RTL1: variants seen among roughly 807,000 people sequenced by gnomAD.
RTL1 encodes retrotransposon Gag like 1, also known as retrotransposon-like protein 1.
For synonymous variants in RTL1, 727 were observed against 748.4 expected (o/e 0.97, Z 0.47); for missense variants, 1,681 against 1,767.5 (o/e 0.95, Z 0.88).
chr14:100,901,082 G>C (rs1017172739), intron 2 of RTL1, among the ~76,000 whole-genome samples: 1 of 152,204 alleles, frequency 6.6e-6, no homozygotes, highest in African/African-American at 2.4e-5. Flanking sequence ...CGGCGGGTCG[G>C]AGCAGCTGTG....
chr14:100,897,626 G>C, intron 2 of RTL1: 1 of 155,182 alleles, frequency 6.4e-6, no homozygotes, highest in East Asian at 1.9e-4. Context: ...AGTCTGCTTA[G>C]AGATAATAAA....
Position 100,880,652 on chromosome 14 carries a change from G to C in RTL1, c.*60C>G, listed in dbSNP as rs1035479001. 6.5e-7 allele frequency: 1 copy of C among 1,542,808 alleles called. No homozygotes were observed. Among genetic ancestry groups the C allele is most frequent in the Non-Finnish European group, 8.7e-7 (1 of 1,143,364 alleles). On this transcript the variant is annotated 3_prime_UTR_variant, in exon 4 of 4. Coordinates refer to ENST00000649591, the MANE Select transcript of RTL1 (RefSeq NM_001134888.3). ...CTGAGGCGCGGGGAGGCCAGGGGAC[G>C]TCGGGAGGTGTTGGGGTGAGAAATA...
In RTL1 at chr14:100,880,043, T is replaced by A. The variant is rs1299530226; in HGVS notation, c.*669A>T. On this transcript the variant is annotated 3_prime_UTR_variant, in exon 4 of 4. Coordinates refer to ENST00000649591, the MANE Select transcript of RTL1 (RefSeq NM_001134888.3). ...GGTAAGTGGCACTGGTACGTCCGGATGCCCCAAAGAGCGGCTTTGTCCAGG... is the reference window on the plus strand; with the variant it reads ...GGTAAGTGGCACTGGTACGTCCGGAAGCCCCAAAGAGCGGCTTTGTCCAGG... Among the ~76,000 whole-genome samples the A allele has an allele frequency of 2.0e-5, 3 of 147,588 alleles. No individual in the cohort carries two copies. In the Admixed American group the frequency reaches 2.1e-4, roughly 10 times the overall value.
intron 2 of RTL1, among the ~76,000 whole-genome samples, chr14:100,899,682 A>C (rs1410670664): frequency 1.3e-5 from 2 of 148,666 alleles, no homozygotes; most frequent in Non-Finnish European, 3.0e-5. Flanking sequence ...CAAATCCCCA[A>C]GTGTTTCTGT....
At chr14:100,891,016 G>A (rs925567855) in intron 3 of RTL1, among the ~76,000 whole-genome samples, 1 of 152,172 alleles carries the variant, frequency 6.6e-6, no homozygotes, top group Non-Finnish European at 1.5e-5. Flanking sequence ...ATGAACAAGT[G>A]TCAAGGATGG....
In RTL1 at chr14:100,902,508, G is replaced by T. The variant is rs182596370; in HGVS notation, c.-149+783C>A. On this transcript the variant is annotated intron_variant, in intron 2 of 3. Coordinates refer to ENST00000649591, the MANE Select transcript of RTL1 (RefSeq NM_001134888.3). ...TTCTCAGCCCTCTTGGGTTTTCTAT[G>T]GCCCCTTTTCCAGTTGCTAGGGAGA... Among the ~76,000 whole-genome samples, 235 of 152,290 alleles carry T rather than the reference G, an allele frequency of 1.5e-3. 1 individual carries two copies. The highest frequency in any genetic ancestry group is 5.3e-3 in the African/African-American group (222 of 41,568).
intron 2 of RTL1, among the ~76,000 whole-genome samples, chr14:100,900,148 G>T (rs748462366): frequency 9.8e-5 from 15 of 152,300 alleles, no homozygotes; most frequent in Non-Finnish European, 2.1e-4. Flanking sequence ...ATTTTTTGAG[G>T]CTCATATTTT....
chr14:100,903,149 G>C (rs2038965951), intron 2 of RTL1, among the ~76,000 whole-genome samples, 142 bp downstream of exon 2: 1 of 152,202 alleles, frequency 6.6e-6, no homozygotes, highest in African/African-American at 2.4e-5. Flanking sequence ...TAAAGGAACA[G>C]TTTTTCCCGG....
intron 3 of RTL1, among the ~76,000 whole-genome samples, chr14:100,886,075 T>C (rs1595337325): frequency 6.6e-6 from 1 of 152,160 alleles, no homozygotes; most frequent in African/African-American, 2.4e-5. Flanking sequence ...GTTGGGGTTA[T>C]TTGCACATTT....
chr14:100,903,594 C>T lies in RTL1; in HGVS notation c.-245+11G>A, dbSNP rs2038971916. Among the ~76,000 whole-genome samples the T allele has an allele frequency of 6.6e-6, 1 of 152,154 alleles. No individual in the cohort carries two copies. The highest frequency in any genetic ancestry group is 2.1e-4 in the South Asian group (1 of 4,822). ...AAACTGAGGCACAGAAAGGCAAAGT[C>T]CTATACTCACCGTCTCTCAGCTGGT... is the stretch of plus-strand genomic sequence containing the variant. On this transcript the variant is annotated intron_variant, in intron 1 of 3. Coordinates refer to ENST00000649591, the MANE Select transcript of RTL1 (RefSeq NM_001134888.3).
Position 100,882,202 on chromosome 14 carries a change from C to A in RTL1, c.2587G>T (p.Ala863Ser), listed in dbSNP as rs1393374532. The A allele has an allele frequency of 6.4e-7, 1 of 1,550,516 alleles. No individual in the cohort carries two copies. Among genetic ancestry groups the A allele is most frequent in the African/African-American group, 1.4e-5 (1 of 73,022 alleles). ...GGCTTGGGGTGGTGGAGGAGAGGCGCCTTGCGGAAAGCCCTCTTCAGGCAC... is the reference window on the plus strand; with the variant it reads ...GGCTTGGGGTGGTGGAGGAGAGGCGACTTGCGGAAAGCCCTCTTCAGGCAC... ...FECLKRAFRK[A>S]PLLHHPKPQN... The change falls in exon 4 of 4, where the codon GCG becomes TCG. Residue 863 changes from alanine to serine, a missense_variant. By Grantham distance (99) the Ala-to-Ser change is moderately conservative. Transcript: ENST00000649591.
At chr14:100,898,062 G>A (rs2038893567) in intron 2 of RTL1, 1 of 447,424 alleles carries the variant, frequency 2.2e-6, no homozygotes, top group South Asian at 1.7e-5. Context: ...CGGTATGTAT[G>A]CACCATTGTT....
chr14:100,900,264 C>T (rs1775431734), intron 2 of RTL1, among the ~76,000 whole-genome samples: 1 of 152,224 alleles, frequency 6.6e-6, no homozygotes, highest in African/African-American at 2.4e-5. Flanking sequence ...CTAAATTTCA[C>T]AGAAAATTCT....
chr14:100,880,631 G>T lies in RTL1; in HGVS notation c.*81C>A. On this transcript the variant is annotated 3_prime_UTR_variant, in exon 4 of 4. Coordinates refer to ENST00000649591, the MANE Select transcript of RTL1 (RefSeq NM_001134888.3). ...CAGGAAGGGAAGCGAAGCAGGCTGAGGCGCGGGGAGGCCAGGGGACGTCGG... is the reference window on the plus strand; with the variant it reads ...CAGGAAGGGAAGCGAAGCAGGCTGATGCGCGGGGAGGCCAGGGGACGTCGG... The T allele has an allele frequency of 6.6e-7, 1 of 1,523,632 alleles. No individual in the cohort carries two copies. The allele number at this position is 1,523,632 out of a possible 1,614,324, so 94.4% of individuals were successfully genotyped here.
intron 3 of RTL1, among the ~76,000 whole-genome samples, chr14:100,890,264 T>C (rs1249887376): frequency 2.0e-5 from 3 of 151,316 alleles, no homozygotes; most frequent in African/African-American, 7.3e-5. Context: ...CAGTGGCCCA[T>C]TGGGTCAGGG....
chr14:100,881,277 C>T lies in RTL1; in HGVS notation c.3512G>A (p.Gly1171Asp). Residue 1171 changes from glycine to aspartate, a missense_variant, in exon 4 of 4, where the codon GGC becomes GAC. Coordinates refer to ENST00000649591, the MANE Select transcript of RTL1 (RefSeq NM_001134888.3). The surrounding 1 kb of genome is among the most constrained non-coding windows in gnomAD (Gnocchi z 6.6). ...GTGCAGAGCATTTCGCTGCCAGCGG[C>T]CAGGGCCCAGGAACAGCTCAGCCAG... is the stretch of plus-strand genomic sequence containing the variant. ...QELAELFLGP[G>D]RWQRNALHSQ... is the part of the protein sequence containing the mutation. The T allele has an allele frequency of 1.3e-6, 2 of 1,550,314 alleles. No homozygotes were observed.
At chr14:100,902,877 A>AG (rs1372082270) in intron 2 of RTL1, among the ~76,000 whole-genome samples, 1 of 152,154 alleles carries the variant, frequency 6.6e-6, no homozygotes, top group African/African-American at 2.4e-5. Flanking sequence ...AGGGAGAGAG[A>AG]GGTATGTAAC....
chr14:100,892,490 G>A (rs1330291472), intron 3 of RTL1, among the ~76,000 whole-genome samples: 4 of 152,182 alleles, frequency 2.6e-5, no homozygotes, highest in African/African-American at 4.8e-5. Flanking sequence ...GGATTCTTAC[G>A]ACTGTTACTT....
In RTL1 at chr14:100,882,783, C is replaced by A; in HGVS notation, c.2006G>T (p.Arg669Leu). 7 of 1,551,876 alleles carry A rather than the reference C, an allele frequency of 4.5e-6. No homozygotes were observed. The highest frequency in any genetic ancestry group is 6.1e-6 in the Non-Finnish European group (7 of 1,147,042). The stretch of plus-strand genomic sequence containing the variant: ...CACGCTTTCCTCCACAATGGTCCCA[C>A]GCAGCTCCAGTTTTGTGAACCACTC... ...GAEWFTKLEL[R>L]GTIVEESVNG... Residue 669 changes from arginine to leucine, a missense_variant, in exon 4 of 4, where the codon CGT (arginine) becomes CTT (leucine). Arg to Leu is a moderately radical substitution (Grantham distance 102, BLOSUM62 -2). Transcript: ENST00000649591.
Sources: allele counts gnomAD v4.1 joint callset (sites outside exome capture counted in the v4.1 genomes callset), GRCh38; gene constraint gnomAD v4.1.1; non-coding constraint Gnocchi (gnomAD v3.1); transcripts MANE v1.5; gene names NCBI Gene and HGNC (gene_info 2026-07-23, HGNC 2026-07-21).